The following PRKRA variants were observed in gnomAD, a reference collection of about 807,000 sequenced individuals.
PRKRA encodes the protein protein activator of interferon induced protein kinase EIF2AK2, also known as interferon-inducible double-stranded RNA-dependent protein kinase activator A.
PRKRA carries 22 observed loss-of-function variants against 32.4 expected under a neutral mutation model. That is an observed-to-expected ratio of 0.68 (90% CI 0.49 to 0.97). The LOEUF (loss-of-function observed/expected upper bound fraction) is 0.97. Among genes scored for constraint, PRKRA ranks in the 50% least tolerant of loss-of-function variants. The probability of loss-of-function intolerance (pLI) is 0.00; values close to 1 mark genes in which losing one functional copy is unlikely to be tolerated. For missense variants in PRKRA, 319 were observed against 375.6 expected (o/e 0.85, Z 1.25); for synonymous variants, 139 against 129.8 (o/e 1.07, Z -0.48).
chr2:178,443,793 G>A, intron 4 of PRKRA: 1 of 193,730 alleles, frequency 5.2e-6, no homozygotes, highest in Non-Finnish European at 1.1e-5. Context: ...TGAGGAGTAG[G>A]GACAGCAAAC....
Position 178,451,107 on chromosome 2 carries a change from C to G in PRKRA, c.-77G>C, listed in dbSNP as rs1310589099. Reference sequence around the variant, plus strand: ...GCTCGCTCCCCGGGTCGCTGGTCCCCGGGAGGAGCTCCAGCGCCGCCACCT... The same window carrying G: ...GCTCGCTCCCCGGGTCGCTGGTCCCGGGGAGGAGCTCCAGCGCCGCCACCT... On this transcript the variant is annotated 5_prime_UTR_variant, in exon 1 of 8. Transcript: ENST00000325748. 5.4e-6 allele frequency: 8 copies of G among 1,481,080 alleles called. No individual in the cohort carries two copies. Among genetic ancestry groups the G allele is most frequent in the East Asian group, 2.6e-5 (1 of 38,504 alleles). The allele number at this position is 1,481,080 out of a possible 1,614,324, so 91.7% of individuals were successfully genotyped here. A position where few individuals can be genotyped will look rare whatever the true frequency, so the allele number is the denominator to read the frequency against.
chr2:178,435,037 T>C (rs867460025), intron 7 of PRKRA, among the ~76,000 whole-genome samples: 1 of 151,372 alleles, frequency 6.6e-6, no homozygotes, highest in Non-Finnish European at 1.5e-5. Flanking sequence ...GCCAACATGG[T>C]GAAACCCCGT....
intron 2 of PRKRA, among the ~76,000 whole-genome samples, chr2:178,449,623 T>C (rs1697466600): frequency 6.6e-6 from 1 of 152,280 alleles, no homozygotes; most frequent in Non-Finnish European, 1.5e-5. Flanking sequence ...TGTGACTTCA[T>C]TGCTATACGC....
At chr2:178,450,931 C>A in intron 1 of PRKRA, 35 bp downstream of exon 1, 1 of 903,902 alleles carries the variant, frequency 1.1e-6, no homozygotes, top group South Asian at 1.9e-5. Flanking sequence ...GCCCAACGCT[C>A]CCGGCCCTGG....
intron 6 of PRKRA, among the ~76,000 whole-genome samples, chr2:178,440,925 C>A (rs886122524): frequency 6.6e-6 from 1 of 152,166 alleles, no homozygotes; most frequent in African/African-American, 2.4e-5. Context: ...ACTTTGCTGG[C>A]CTCATTGAGA....
chr2:178,441,817 T>C, intron 5 of PRKRA, 113 bp from the exon 6 acceptor site: 1 of 695,410 alleles, frequency 1.4e-6, no homozygotes, highest in Non-Finnish European at 2.4e-6. Flanking sequence ...TTTTATTATA[T>C]ACTAGACTAT....
intron 7 of PRKRA, among the ~76,000 whole-genome samples, chr2:178,434,259 C>T (rs767454722): frequency 6.6e-5 from 10 of 151,728 alleles, no homozygotes; most frequent in African/African-American, 2.4e-5. Context: ...TACAGGTGCA[C>T]GCCACCTTGT....
rs1375294875 is a variant in PRKRA at position 178,432,020 on chromosome 2, G to C, written c.*77C>G. 6 of 1,498,596 alleles carry C rather than the reference G, an allele frequency of 4.0e-6. No homozygotes were observed. The East Asian group carries it at 1.4e-4, about 34-fold the overall frequency. 92.8% of individuals were successfully genotyped at this position (1,498,596 alleles called of 1,614,324 possible). ...TTAGAAACAAGACATAAACACTACG[G>C]TAAAAGTTTTACTTGGGAAGGGGCC... is the stretch of plus-strand genomic sequence containing the variant. On this transcript the variant is annotated 3_prime_UTR_variant, in exon 8 of 8. Transcript: ENST00000325748.
intron 3 of PRKRA, 74 bp from the exon 4 acceptor site, chr2:178,444,574 T>C (rs1697246275): frequency 8.5e-7 from 1 of 1,182,216 alleles, no homozygotes; most frequent in South Asian, 1.2e-5. Flanking sequence ...AAGCATTTTC[T>C]AATTAACTCT....
At chr2:178,446,695 G>A (rs1331010656) in intron 3 of PRKRA, among the ~76,000 whole-genome samples, 1 of 152,092 alleles carries the variant, frequency 6.6e-6, no homozygotes, top group Non-Finnish European at 1.5e-5. Flanking sequence ...AGATGCTCCA[G>A]GACCAATATT....
At chr2:178,447,675 T>C in intron 2 of PRKRA, 89 bp from the exon 3 acceptor site, 1 of 1,194,576 alleles carries the variant, frequency 8.4e-7, no homozygotes, top group Non-Finnish European at 1.1e-6. Flanking sequence ...ACAAAGTCAC[T>C]ATAGATTTTA....
intron 7 of PRKRA, 126 bp from the exon 8 acceptor site, chr2:178,432,380 G>T: frequency 7.9e-6 from 10 of 1,258,978 alleles, no homozygotes; most frequent in South Asian, 5.1e-5. Flanking sequence ...TACACCACTC[G>T]CAATCTTTGT....
Position 178,451,078 on chromosome 2 carries a change from A to C in PRKRA, c.-48T>G, listed in dbSNP as rs1436121991. The C allele has an allele frequency of 6.5e-7, 1 of 1,534,342 alleles. No individual in the cohort carries two copies. The highest frequency in any genetic ancestry group is 8.7e-7 in the Non-Finnish European group (1 of 1,144,140). The stretch of plus-strand genomic sequence containing the variant: ...GCTGGAGGAAGAGCGGTGCGGAGCG[A>C]CGTGCTCGCTCCCCGGGTCGCTGGT... On this transcript the variant is annotated 5_prime_UTR_variant, in exon 1 of 8. Coordinates refer to ENST00000325748, the MANE Select transcript of PRKRA (RefSeq NM_003690.5).
At chr2:178,437,944 C>T (rs1696965661) in intron 6 of PRKRA, among the ~76,000 whole-genome samples, 1 of 152,132 alleles carries the variant, frequency 6.6e-6, no homozygotes, top group African/African-American at 2.4e-5. Flanking sequence ...CTCTAGCAGT[C>T]CTCCCACCTT....
intron 7 of PRKRA, 24 bp from the exon 8 acceptor site, chr2:178,432,278 A>G: frequency 6.2e-7 from 1 of 1,614,056 alleles, no homozygotes. Flanking sequence ...TTCAAGGATG[A>G]CGATTAATGT....
intron 7 of PRKRA, among the ~76,000 whole-genome samples, chr2:178,432,702 T>G (rs527807977): frequency 6.6e-6 from 1 of 152,380 alleles, no homozygotes; most frequent in South Asian, 2.1e-4. Flanking sequence ...GAAGTCATTT[T>G]CAGGAGGCAT....
chr2:178,441,622 G>T lies in PRKRA; in HGVS notation c.597C>A (p.Asn199Lys). ...LAKFSNISPENHISLTNVVGH... is the reference protein window; with the variant it reads ...LAKFSNISPEKHISLTNVVGH... Reference sequence around the variant, plus strand: ...CAACATTACTCACTAAAGAAATGTGGTTCTCTGGAGAAATATTACTAAATT... The same window carrying T: ...CAACATTACTCACTAAAGAAATGTGTTTCTCTGGAGAAATATTACTAAATT... Residue 199 changes from asparagine to lysine, a missense_variant, in exon 6 of 8, where the codon AAC becomes AAA. By Grantham distance (94) the Asn-to-Lys change is moderately conservative (BLOSUM62 0). Transcript: ENST00000325748. 1 of 1,599,890 alleles carries T rather than the reference G, an allele frequency of 6.3e-7. No homozygotes were observed. Among genetic ancestry groups the T allele is most frequent in the Non-Finnish European group, 8.6e-7 (1 of 1,167,410 alleles).
At position 178,444,587 on chromosome 2, in the gene PRKRA, A is replaced by C. The variant is rs147609208; in HGVS notation, c.318-87T>G. On this transcript the variant is annotated intron_variant, in intron 3 of 7. Coordinates refer to ENST00000325748, the MANE Select transcript of PRKRA (RefSeq NM_003690.5). The stretch of plus-strand genomic sequence containing the variant: ...ACAAGCATTTTCTAATTAACTCTCT[A>C]TGTCTTTGCTCTTGTCATTCCTTCT... The C allele has an allele frequency of 1.3e-4, 105 of 802,882 alleles. 1 individual carries two copies. Among genetic ancestry groups the C allele is most frequent in the African/African-American group, 1.0e-3 (52 of 50,400 alleles). 49.7% of individuals were successfully genotyped at this position (802,882 alleles called of 1,614,324 possible). A position where few individuals can be genotyped will look rare whatever the true frequency, so the allele number is the denominator to read the frequency against.
chr2:178,445,266 T>C (rs1399058633), intron 3 of PRKRA, among the ~76,000 whole-genome samples: 1 of 152,212 alleles, frequency 6.6e-6, no homozygotes, highest in African/African-American at 2.4e-5. Flanking sequence ...TACTTAAAAC[T>C]GAATAAGCGG....
Sources: gnomAD v4.1 joint callset for allele counts (sites outside exome capture counted in the v4.1 genomes callset) on GRCh38, gnomAD v4.1.1 for gene constraint, MANE v1.5 for transcripts, NCBI Gene and HGNC (gene_info 2026-07-23, HGNC 2026-07-21) for gene names.